Variants in LCA5 observed in about 807,000 individuals in gnomAD.
LCA5 encodes lebercilin LCA5.
Under a neutral mutation model 53.0 loss-of-function variants are expected in LCA5, and 37 were observed. The observed-to-expected ratio is 0.70, with a 90% CI of 0.54 to 0.92. The LOEUF is 0.92. Among genes scored for constraint, LCA5 ranks in the 40% least tolerant of loss-of-function variants. LCA5 has a pLI of 0.00. For synonymous variants in LCA5, 303 were observed against 282.9 expected (o/e 1.07, Z -0.71); for missense variants, 806 against 790.5 (o/e 1.02, Z -0.23).
At chr6:79,529,360 G>A (rs1400858227) in intron 1 of LCA5, among the ~76,000 whole-genome samples, 1 of 152,190 alleles carries the variant, frequency 6.6e-6, no homozygotes, top group Non-Finnish European at 1.5e-5. Context: ...TTCAAGGCAT[G>A]ATAAATCTAA....
At chr6:79,532,130 C>T (rs1338073906) in intron 1 of LCA5, among the ~76,000 whole-genome samples, 1 of 152,148 alleles carries the variant, frequency 6.6e-6, no homozygotes, top group East Asian at 1.9e-4. Context: ...AAAGATTGTC[C>T]TGGATTCCTT....
At chr6:79,537,917 T>C (rs1348037275), upstream of LCA5, among the ~76,000 whole-genome samples, 2 of 151,094 alleles carry the variant, frequency 1.3e-5, no homozygotes, top group Non-Finnish European at 2.9e-5. Flanking sequence ...CTCGAGATCC[T>C]GGCTGTGAAT....
At chr6:79,522,764 G>A (rs1255136859) in intron 1 of LCA5, among the ~76,000 whole-genome samples, 1 of 152,106 alleles carries the variant, frequency 6.6e-6, no homozygotes, top group African/African-American at 2.4e-5. Context: ...ATGGCTTACT[G>A]CAACCTTGAA....
intron 3 of LCA5, 152 bp from the exon 4 acceptor site, chr6:79,493,902 C>G: frequency 1.7e-6 from 1 of 602,870 alleles, no homozygotes; most frequent in East Asian, 2.8e-5. Flanking sequence ...AGCTGGGAAA[C>G]AGATTTACCA....
intron 3 of LCA5, among the ~76,000 whole-genome samples, chr6:79,494,284 C>G (rs897751301): frequency 1.3e-5 from 2 of 151,668 alleles, no homozygotes; most frequent in Non-Finnish European, 2.9e-5. Context: ...AATAAGATAC[C>G]AAGACAGATA....
chr6:79,509,141 T>C (rs1194110512), intron 3 of LCA5, among the ~76,000 whole-genome samples: 2 of 151,992 alleles, frequency 1.3e-5, no homozygotes, highest in Non-Finnish European at 2.9e-5. Context: ...ACAGCTGATA[T>C]GAGGTTATTG....
At chr6:79,525,754 G>C (rs1766766871) in intron 1 of LCA5, among the ~76,000 whole-genome samples, 1 of 149,466 alleles carries the variant, frequency 6.7e-6, no homozygotes, top group Non-Finnish European at 1.5e-5. Context: ...AAGGCCTCGT[G>C]AAAGTTAACT....
chr6:79,487,962 T>C lies in LCA5; in HGVS notation c.1232-96A>G, dbSNP rs553188165. 106 of 945,030 alleles carry C rather than the reference T, an allele frequency of 1.1e-4. No individual in the cohort carries two copies. The East Asian group carries it at 2.6e-3, about 23-fold the overall frequency. The allele number at this position is 945,030 out of a possible 1,614,324, so 58.5% of individuals were successfully genotyped here. A position where few individuals can be genotyped will look rare whatever the true frequency, so the allele number is the denominator to read the frequency against. ...TTTCATAAAACCACCATATTTAATTTGGGTATTATAAATCAAGTGAGAAAA... is the reference window on the plus strand; with the variant it reads ...TTTCATAAAACCACCATATTTAATTCGGGTATTATAAATCAAGTGAGAAAA... On this transcript the variant is annotated intron_variant, in intron 7 of 7. Transcript: ENST00000369846.
chr6:79,500,899 GT>G (rs1471650889), intron 3 of LCA5, among the ~76,000 whole-genome samples: 1 of 150,878 alleles, frequency 6.6e-6, no homozygotes, highest in Non-Finnish European at 1.5e-5. Context: ...TGACCCCCTG[GT>G]TATCCTGTTT....
chr6:79,521,284 T>C (rs1004762726), intron 1 of LCA5, among the ~76,000 whole-genome samples: 1 of 152,168 alleles, frequency 6.6e-6, no homozygotes, highest in African/African-American at 2.4e-5. Context: ...TGAAAAGCAA[T>C]TCCCATAAAT....
chr6:79,523,736 G>T (rs1185385972), intron 1 of LCA5, among the ~76,000 whole-genome samples: 1 of 151,940 alleles, frequency 6.6e-6, no homozygotes, highest in Non-Finnish European at 1.5e-5. Flanking sequence ...TAAATCCGAG[G>T]GGCCCACCAA....
chr6:79,519,933 G>A (rs936585932), intron 1 of LCA5, among the ~76,000 whole-genome samples: 1 of 151,924 alleles, frequency 6.6e-6, no homozygotes, highest in African/African-American at 2.4e-5. Flanking sequence ...AAATATATAA[G>A]ACTCCAAAAA....
intron 1 of LCA5, among the ~76,000 whole-genome samples, chr6:79,527,524 T>C (rs1052224840): frequency 3.3e-5 from 5 of 152,140 alleles, no homozygotes; most frequent in Non-Finnish European, 5.9e-5. Context: ...GGCAAATAAG[T>C]ATCTTTGCCC....
At chr6:79,491,841 C>G (rs1769852964) in intron 5 of LCA5, 111 bp from the exon 6 acceptor site, 1 of 825,712 alleles carries the variant, frequency 1.2e-6, no homozygotes, top group Admixed American at 2.0e-5. Context: ...TATACATGTA[C>G]ATTTATATGC....
intron 4 of LCA5, 71 bp downstream of exon 4, chr6:79,493,542 T>G (rs1277913478): frequency 7.4e-7 from 1 of 1,347,132 alleles, no homozygotes; most frequent in African/African-American, 1.4e-5. Flanking sequence ...AATAGTAACA[T>G]TTAGTGTTTT....
At chr6:79,515,715 T>C (rs998864994) in intron 2 of LCA5, among the ~76,000 whole-genome samples, 1 of 152,112 alleles carries the variant, frequency 6.6e-6, no homozygotes, top group Non-Finnish European at 1.5e-5. Flanking sequence ...TTGATTCCAT[T>C]ATGTAAACAA....
intron 1 of LCA5, among the ~76,000 whole-genome samples, chr6:79,529,872 C>T (rs549516540): frequency 8.1e-5 from 12 of 149,022 alleles, no homozygotes; most frequent in Admixed American, 1.4e-4. Context: ...AACCAAACAC[C>T]GCATGTTCTC....
intron 3 of LCA5, among the ~76,000 whole-genome samples, chr6:79,502,637 T>G (rs1191810723): frequency 3.9e-5 from 6 of 152,228 alleles, no homozygotes; most frequent in Admixed American, 6.5e-5. Context: ...TTAGATCATT[T>G]TATCAGAAGA....
intron 1 of LCA5, among the ~76,000 whole-genome samples, chr6:79,528,249 C>A (rs533784579): frequency 3.3e-5 from 5 of 152,124 alleles, no homozygotes; most frequent in Non-Finnish European, 7.3e-5. Context: ...GCAATTCCCT[C>A]GTTCTCTATA....
Sources: allele counts gnomAD v4.1 joint callset (sites outside exome capture counted in the v4.1 genomes callset), GRCh38; gene constraint gnomAD v4.1.1; transcripts MANE v1.5; gene names NCBI Gene and HGNC (gene_info 2026-07-23, HGNC 2026-07-21).